BMP2K: variants seen among roughly 807,000 people sequenced by gnomAD.
The protein encoded by BMP2K is BMP2 inducible kinase, also known as BMP-2-inducible protein kinase.
BMP2K carries 74 observed loss-of-function variants against 116.0 expected under a neutral mutation model. That is an observed-to-expected ratio of 0.64 (90% CI 0.53 to 0.77). The LOEUF is 0.77. BMP2K is among the 30% of genes least tolerant of loss of function. BMP2K has a pLI of 0.00. For missense variants in BMP2K, 1,365 were observed against 1,403.6 expected (o/e 0.97, Z 0.44); for synonymous variants, 486 against 502.5 (o/e 0.97, Z 0.44).
intron 14 of BMP2K, among the ~76,000 whole-genome samples, chr4:78,880,565 A>G (rs1352355433): frequency 6.6e-6 from 1 of 152,196 alleles, no homozygotes; most frequent in African/African-American, 2.4e-5. Context: ...ATTATTTTGT[A>G]TCTTATAAAA....
chr4:78,815,311 T>G (rs1729285143), intron 1 of BMP2K, among the ~76,000 whole-genome samples: 1 of 152,120 alleles, frequency 6.6e-6, no homozygotes, highest in African/African-American at 2.4e-5. Flanking sequence ...ATGCCAAAAA[T>G]ATGTGTTAAG....
intron 13 of BMP2K, among the ~76,000 whole-genome samples, chr4:78,874,122 G>A (rs921519119): frequency 4.6e-5 from 7 of 151,864 alleles, no homozygotes; most frequent in Non-Finnish European, 1.5e-5. Context: ...AGATTGCAGC[G>A]AGCTGAGATC....
intron 15 of BMP2K, among the ~76,000 whole-genome samples, chr4:78,901,132 C>T (rs1364323029): frequency 6.6e-6 from 1 of 152,096 alleles, no homozygotes; most frequent in African/African-American, 2.4e-5. Context: ...CAGCCCGGAC[C>T]TCTTGGGCTC....
intron 1 of BMP2K, among the ~76,000 whole-genome samples, chr4:78,799,645 C>T (rs191656250): frequency 3.3e-5 from 5 of 152,222 alleles, no homozygotes; most frequent in South Asian, 2.1e-4. Flanking sequence ...ATCAAAAGTA[C>T]GTAAGATGTT....
chr4:78,836,486 T>G (rs947671539), intron 3 of BMP2K, among the ~76,000 whole-genome samples: 1 of 152,220 alleles, frequency 6.6e-6, no homozygotes, highest in African/African-American at 2.4e-5. Flanking sequence ...TTGATTTCAT[T>G]TTTTCTTCCC....
intron 1 of BMP2K, among the ~76,000 whole-genome samples, chr4:78,804,772 G>A (rs772390235): frequency 8.0e-5 from 12 of 150,400 alleles, no homozygotes; most frequent in Non-Finnish European, 8.9e-5. Flanking sequence ...GTAAAATTGG[G>A]TTGTCTTTTT....
At chr4:78,851,934 A>G (rs1731270305) in intron 7 of BMP2K, among the ~76,000 whole-genome samples, 1 of 152,040 alleles carries the variant, frequency 6.6e-6, no homozygotes, top group Non-Finnish European at 1.5e-5. Context: ...ATGAACCCAA[A>G]CTCATAAATT....
rs1324943490 is a variant in BMP2K, at chr4:78,850,929, G to T, written c.756G>T (p.Leu252=). ...TATGCTTCTTTGGTTTACAGGCACT[G>T]GGATGTCTACTCTATAAACTTTGTT... The part of the protein sequence containing the change: ...PITTKADIWA[L]GCLLYKLCFF... Residue 252 remains leucine, a synonymous_variant, in exon 7 of 16, where the codon CTG becomes CTT. Transcript: ENST00000502613. 6.2e-7 allele frequency: 1 copy of T among 1,611,192 alleles called. No individual in the cohort carries two copies. The highest frequency in any genetic ancestry group is 8.5e-7 in the Non-Finnish European group (1 of 1,178,448).
At chr4:78,863,986 C>T (rs1239560656) in intron 9 of BMP2K, among the ~76,000 whole-genome samples, 2 of 152,188 alleles carry the variant, frequency 1.3e-5, no homozygotes, top group Admixed American at 6.6e-5. Context: ...AACATATGCC[C>T]TGTCTTCCTA....
At chr4:78,784,287 A>G (rs1186767356) in intron 1 of BMP2K, among the ~76,000 whole-genome samples, 1 of 152,254 alleles carries the variant, frequency 6.6e-6, no homozygotes, top group Non-Finnish European at 1.5e-5. Flanking sequence ...TTGAACTACC[A>G]TTTCAAAGCT....
At chr4:78,855,116 T>C (rs1169844043) in intron 7 of BMP2K, among the ~76,000 whole-genome samples, 1 of 152,142 alleles carries the variant, frequency 6.6e-6, no homozygotes, top group Non-Finnish European at 1.5e-5. Flanking sequence ...ACTTAATGTT[T>C]TAGTTATGAT....
At chr4:78,864,398 G>A (rs78229843) in intron 9 of BMP2K, among the ~76,000 whole-genome samples, 4 of 150,674 alleles carry the variant, frequency 2.7e-5, no homozygotes, top group African/African-American at 7.3e-5. Context: ...TATATACACC[G>A]ATATATATAT....
intron 15 of BMP2K, among the ~76,000 whole-genome samples, chr4:78,899,859 A>G (rs948946337): frequency 2.1e-4 from 32 of 152,334 alleles, no homozygotes; most frequent in African/African-American, 7.7e-4. Context: ...GCAACAGATT[A>G]TTCTTTCCAA....
intron 1 of BMP2K, among the ~76,000 whole-genome samples, chr4:78,789,897 T>C (rs1727916339): frequency 6.6e-6 from 1 of 152,198 alleles, no homozygotes; most frequent in Admixed American, 6.5e-5. Flanking sequence ...ATCCTCTGCT[T>C]TTCTTCTCTT....
At chr4:78,860,373 C>A (rs1343239138) in intron 8 of BMP2K, among the ~76,000 whole-genome samples, 1 of 151,710 alleles carries the variant, frequency 6.6e-6, no homozygotes, top group Non-Finnish European at 1.5e-5. Flanking sequence ...TGTAAATAGA[C>A]CCAGATTCAG....
intron 15 of BMP2K, among the ~76,000 whole-genome samples, chr4:78,891,610 TA>T (rs1276699970): frequency 2.0e-4 from 31 of 152,244 alleles, no homozygotes; most frequent in Non-Finnish European, 4.1e-4. Flanking sequence ...TCCTTGGCTT[TA>T]TATTACAGAC....
At position 78,776,621 on chromosome 4, in the gene BMP2K, C is replaced by T. The variant is rs1727253539; in HGVS notation, c.78C>T (p.Ala26=). 4 of 1,200,804 alleles carry T rather than the reference C, an allele frequency of 3.3e-6. No homozygotes were observed. Among genetic ancestry groups the T allele is most frequent in the Non-Finnish European group, 3.1e-6 (3 of 964,752 alleles). The allele number at this position is 1,200,804 out of a possible 1,614,324, so 74.4% of individuals were successfully genotyped here. A position where few individuals can be genotyped will look rare whatever the true frequency, so the allele number is the denominator to read the frequency against. The part of the protein sequence containing the change: ...GGAAGGGAGG[A]GAGAGCGSGG... ...CGGCGGGTGGCGGGGCTGGCGGGGC[C>T]GGGGCCGGGGCCGGCTGCGGCTCCG... is the stretch of plus-strand genomic sequence containing the variant. The change falls in exon 1 of 16, where the codon GCC becomes GCT. Residue 26 remains alanine (A), a synonymous_variant. Coordinates refer to ENST00000502613, the MANE Select transcript of BMP2K (RefSeq NM_198892.2).
At chr4:78,804,534 A>G (rs1053574405) in intron 1 of BMP2K, among the ~76,000 whole-genome samples, 10 of 152,124 alleles carry the variant, frequency 6.6e-5, no homozygotes, top group African/African-American at 2.4e-4. Context: ...TGGTTGCACA[A>G]TTTTAATTTC....
chr4:78,789,105 A>G (rs1727883074), intron 1 of BMP2K, among the ~76,000 whole-genome samples: 1 of 152,070 alleles, frequency 6.6e-6, no homozygotes, highest in South Asian at 2.1e-4. Context: ...TATTATATTA[A>G]CTGTAATTGG....
Sources: gnomAD v4.1 joint callset for allele counts (sites outside exome capture counted in the v4.1 genomes callset) on GRCh38, gnomAD v4.1.1 for gene constraint, MANE v1.5 for transcripts, NCBI Gene and HGNC (gene_info 2026-07-23, HGNC 2026-07-21) for gene names.